TANC1: variants seen among roughly 807,000 people sequenced by gnomAD.
TANC1 encodes the protein tetratricopeptide repeat, ankyrin repeat and coiled-coil containing 1.
A neutral mutation model predicts 149.7 loss-of-function variants in TANC1; 77 were observed. The ratio of observed to expected loss-of-function variants is 0.51; its 90% CI spans 0.43 to 0.62. The LOEUF is 0.62. Ranked by LOEUF, TANC1 falls within the 20% of genes least tolerant of loss-of-function variation. The pLI is 0.00. For missense variants in TANC1, 1,985 were observed against 2,321.8 expected, an observed-to-expected ratio of 0.85 and a Z score of 2.98; for synonymous variants, 854 against 925.0, an observed-to-expected ratio of 0.92 and a Z score of 1.39.
chr2:159,061,854 T>C (rs2042257978), intron 2 of TANC1, among the ~76,000 whole-genome samples: 1 of 152,228 alleles, frequency 6.6e-6, no homozygotes, highest in South Asian at 2.1e-4. Flanking sequence ...ACCTTTGTTC[T>C]ACTTGCTGTC....
At chr2:159,151,165 C>T (rs2052761159) in intron 7 of TANC1, among the ~76,000 whole-genome samples, 1 of 152,198 alleles carries the variant, frequency 6.6e-6, no homozygotes, top group South Asian at 2.1e-4. Context: ...ATTGAATTTA[C>T]CTTTTTGCAC....
At chr2:158,976,898 A>C (rs2033746074) in intron 1 of TANC1, among the ~76,000 whole-genome samples, 1 of 152,064 alleles carries the variant, frequency 6.6e-6, no homozygotes, top group Non-Finnish European at 1.5e-5. Flanking sequence ...AACAACAACA[A>C]CAACAAAATT....
intron 4 of TANC1, among the ~76,000 whole-genome samples, chr2:159,117,108 C>T (rs995055245): frequency 6.6e-6 from 1 of 152,168 alleles, no homozygotes; most frequent in Non-Finnish European, 1.5e-5. Context: ...TTACCCTCCT[C>T]TATGCTGAGG....
intron 3 of TANC1, 51 bp from the exon 4 acceptor site, chr2:159,097,586 C>A: frequency 1.4e-6 from 2 of 1,398,946 alleles, no homozygotes; most frequent in South Asian, 2.3e-5. Flanking sequence ...AAATTTGCAT[C>A]AACTTATAAT....
chr2:158,990,059 G>T (rs931731618), intron 1 of TANC1, among the ~76,000 whole-genome samples: 5 of 152,054 alleles, frequency 3.3e-5, no homozygotes, highest in Admixed American at 6.5e-5. Context: ...GGGGTTACAG[G>T]CCCCTGCCAC....
chr2:159,014,802 C>T (rs1406639617), intron 2 of TANC1, among the ~76,000 whole-genome samples: 1 of 152,200 alleles, frequency 6.6e-6, no homozygotes, highest in Non-Finnish European at 1.5e-5. Context: ...AAGCTCCAAA[C>T]TGATCTCCTT....
chr2:159,015,437 G>A (rs2038175489), intron 2 of TANC1, among the ~76,000 whole-genome samples: 1 of 152,158 alleles, frequency 6.6e-6, no homozygotes, highest in Admixed American at 6.5e-5. Flanking sequence ...GTGATGGGAG[G>A]GGCTGCCATG....
At chr2:159,094,440 C>T (rs169073) in intron 3 of TANC1, among the ~76,000 whole-genome samples, 11,794 of 152,154 alleles carry the variant, frequency 0.078, 629 homozygotes, top group East Asian at 0.15. Flanking sequence ...ACAGCACCTG[C>T]TTGCATTCTC....
intron 13 of TANC1, among the ~76,000 whole-genome samples, chr2:159,177,291 G>A (rs560133276): frequency 9.5e-4 from 144 of 152,174 alleles, no homozygotes; most frequent in African/African-American, 3.3e-3. Flanking sequence ...TTGCAGCGAG[G>A]GGTAGGGTGA....
At chr2:159,080,635 G>C (rs1226723926) in intron 3 of TANC1, among the ~76,000 whole-genome samples, 2 of 152,210 alleles carry the variant, frequency 1.3e-5, no homozygotes, top group Non-Finnish European at 2.9e-5. Context: ...TGCAAAGATT[G>C]ATGATAGACT....
chr2:159,020,249 G>A (rs1044320968), intron 2 of TANC1, among the ~76,000 whole-genome samples: 1 of 152,202 alleles, frequency 6.6e-6, no homozygotes, highest in African/African-American at 2.4e-5. Flanking sequence ...GAGTAGGTGG[G>A]ATTACAGGCA....
At chr2:159,100,152 C>T (rs1036243179) in intron 4 of TANC1, among the ~76,000 whole-genome samples, 2 of 152,152 alleles carry the variant, frequency 1.3e-5, no homozygotes, top group African/African-American at 2.4e-5. Context: ...GTACAATTTG[C>T]CTACCTATAG....
intron 1 of TANC1, among the ~76,000 whole-genome samples, chr2:159,000,329 C>T (rs981797895): frequency 3.3e-5 from 5 of 152,028 alleles, no homozygotes; most frequent in Non-Finnish European, 7.4e-5. Context: ...GGTGTTAGCA[C>T]GTCAAGCCTG....
Position 159,230,559 on chromosome 2 carries a change from C to A in TANC1, c.5133C>A (p.Ser1711Arg). The change falls in exon 27 of 27, where the codon AGC becomes AGA. Residue 1711 changes from serine (S) to arginine (R), a missense_variant. Coordinates refer to ENST00000263635, the MANE Select transcript of TANC1 (RefSeq NM_033394.3). The surrounding 1 kb of genome is among the most constrained non-coding windows in gnomAD (Gnocchi z 4.4). ...IKDKVVTHVQ[S>R]GTAEHRPRNT... The stretch of plus-strand genomic sequence containing the variant: ...ACAAGGTTGTAACCCACGTTCAGAG[C>A]GGTACAGCTGAGCACAGACCCCGCA... 1 of 1,614,166 alleles carries A rather than the reference C, an allele frequency of 6.2e-7. No homozygotes were observed. Among genetic ancestry groups the A allele is most frequent in the Non-Finnish European group, 8.5e-7 (1 of 1,180,028 alleles).
chr2:159,026,074 A>C (rs951167377), intron 2 of TANC1, among the ~76,000 whole-genome samples: 7 of 152,132 alleles, frequency 4.6e-5, no homozygotes, highest in Non-Finnish European at 1.0e-4. Flanking sequence ...CTAGGACTAC[A>C]GGGGTACCCA....
At chr2:159,195,957 C>T (rs2057812120) in intron 17 of TANC1, among the ~76,000 whole-genome samples, 1 of 152,228 alleles carries the variant, frequency 6.6e-6, no homozygotes, top group Non-Finnish European at 1.5e-5. Flanking sequence ...GCATGAAGGG[C>T]TGCCGCTGCT....
At chr2:158,974,420 C>T (rs1223428895) in intron 1 of TANC1, among the ~76,000 whole-genome samples, 1 of 152,030 alleles carries the variant, frequency 6.6e-6, no homozygotes, top group Non-Finnish European at 1.5e-5. Context: ...TGCATACCCT[C>T]ATATATATAT....
chr2:159,163,933 C>T (rs950864011), intron 8 of TANC1, among the ~76,000 whole-genome samples: 1 of 152,156 alleles, frequency 6.6e-6, no homozygotes, highest in Non-Finnish European at 1.5e-5. Flanking sequence ...TCTTACCAAA[C>T]TTACAAACTT....
intron 2 of TANC1, among the ~76,000 whole-genome samples, chr2:159,065,447 T>C (rs577016315): frequency 2.6e-4 from 39 of 152,360 alleles, no homozygotes; most frequent in African/African-American, 9.4e-4. Context: ...TTCCTTGTGA[T>C]TATATAATTA....
Sources: gnomAD v4.1 joint callset for allele counts (sites outside exome capture counted in the v4.1 genomes callset) on GRCh38, gnomAD v4.1.1 for gene constraint, Gnocchi (gnomAD v3.1) non-coding constraint, MANE v1.5 for transcripts, NCBI Gene and HGNC (gene_info 2026-07-23, HGNC 2026-07-21) for gene names.